DPP6: variants seen among roughly 807,000 people sequenced by gnomAD.
DPP6 encodes the protein A-type potassium channel modulatory protein DPP6.
Under a neutral mutation model 122.6 loss-of-function variants are expected in DPP6, and 69 were observed. That is an observed-to-expected ratio of 0.56 (90% confidence interval 0.46 to 0.69). DPP6 has a LOEUF of 0.69. Ranked by LOEUF, DPP6 falls within the 30% of genes least tolerant of loss-of-function variation. The pLI is 0.00. For missense variants in DPP6, 928 were observed against 1,116.9 expected (o/e 0.83, Z 2.41); for synonymous variants, 418 against 433.1 (o/e 0.97, Z 0.43).
intron 1 of DPP6, among the ~76,000 whole-genome samples, chr7:154,107,136 C>T (rs1806222304): frequency 6.6e-6 from 1 of 152,154 alleles, no homozygotes. Context: ...TCTGCACTCC[C>T]ATGCTCACTG....
rs542902253 is a variant in DPP6 at position 154,675,506 on chromosome 7, T to C, written c.762+6065T>C. The stretch of plus-strand genomic sequence containing the variant: ...TGGCACATGTGGCCAGCGATTGCCA[T>C]GGTCACAAGCTAGCTTAGTGCACGG... On this transcript the variant is annotated intron_variant, in intron 7 of 25. Transcript: ENST00000377770. Among the ~76,000 whole-genome samples the C allele has an allele frequency of 2.6e-5, 4 of 152,306 alleles. No homozygotes were observed. In the South Asian group the frequency reaches 8.3e-4, roughly 32 times the overall value.
chr7:154,201,379 T>G (rs1266203036), intron 1 of DPP6, among the ~76,000 whole-genome samples: 1 of 152,212 alleles, frequency 6.6e-6, no homozygotes, highest in Non-Finnish European at 1.5e-5. Context: ...TCCACCCACC[T>G]TGGCCTCCCA....
intron 18 of DPP6, among the ~76,000 whole-genome samples, chr7:154,868,313 C>G (rs1172946251): frequency 2.0e-5 from 3 of 152,168 alleles, no homozygotes; most frequent in South Asian, 2.1e-4. Flanking sequence ...GGATCTCTCT[C>G]CCTGAGAGGC....
chr7:154,050,328 A>G (rs1029223892), upstream of DPP6, among the ~76,000 whole-genome samples: 2 of 152,194 alleles, frequency 1.3e-5, no homozygotes, highest in African/African-American at 4.8e-5. Context: ...CTTTATCCCA[A>G]TAGTATTCTA....
chr7:153,834,274 C>CTA, the DPP6 span, among the ~76,000 whole-genome samples: 1 of 122,946 alleles, frequency 8.1e-6, no homozygotes, highest in Non-Finnish European at 1.8e-5. Context: ...GTGACTCCAT[C>CTA]TAAAAAAAAA....
chr7:153,875,095 CAA>C, the DPP6 span, among the ~76,000 whole-genome samples: 5 of 152,162 alleles, frequency 3.3e-5, no homozygotes, highest in East Asian at 9.7e-4. Flanking sequence ...AAACTGAAGA[CAA>C]GAGGAAGTCT....
chr7:154,125,366 A>ACATGTATAT (rs749314902), intron 1 of DPP6, among the ~76,000 whole-genome samples: 2 of 152,204 alleles, frequency 1.3e-5, no homozygotes, highest in Non-Finnish European at 2.9e-5. Flanking sequence ...TGTAAAACAA[A>ACATGTATAT]CATGTATATA....
chr7:154,686,142 G>C (rs1839586547), intron 7 of DPP6, among the ~76,000 whole-genome samples: 1 of 152,074 alleles, frequency 6.6e-6, no homozygotes, highest in African/African-American at 2.4e-5. Flanking sequence ...TCTCTATTCA[G>C]CAGTGAGAAA....
chr7:154,322,166 G>A (rs2151020146), intron 1 of DPP6, among the ~76,000 whole-genome samples: 1 of 150,720 alleles, frequency 6.6e-6, no homozygotes, highest in East Asian at 2.0e-4. Context: ...CTAAAGTTAT[G>A]TGTCCACCTC....
At chr7:153,859,174 G>A in the DPP6 span, among the ~76,000 whole-genome samples, 1 of 152,146 alleles carries the variant, frequency 6.6e-6, no homozygotes, top group Non-Finnish European at 1.5e-5. Flanking sequence ...AAAAGGCCTG[G>A]GGCCCGTCTG....
chr7:153,802,069 C>T, the DPP6 span, among the ~76,000 whole-genome samples: 1 of 152,118 alleles, frequency 6.6e-6, no homozygotes, highest in Non-Finnish European at 1.5e-5. Flanking sequence ...GTGGCAATGC[C>T]GAGATGTTGA....
At chr7:153,906,750 C>T (rs1799870058) in intron 1 of DPP6, among the ~76,000 whole-genome samples, 1 of 152,216 alleles carries the variant, frequency 6.6e-6, no homozygotes, top group African/African-American at 2.4e-5. Flanking sequence ...TTGCTCCCAA[C>T]CCCAGTTTTT....
chr7:154,460,340 C>T (rs777050904), intron 2 of DPP6, among the ~76,000 whole-genome samples: 3 of 152,140 alleles, frequency 2.0e-5, no homozygotes, highest in Non-Finnish European at 4.4e-5. Flanking sequence ...CTACCGACTA[C>T]GAAGGTCAAA....
At chr7:154,121,018 A>G (rs1244562913) in intron 1 of DPP6, among the ~76,000 whole-genome samples, 1 of 152,124 alleles carries the variant, frequency 6.6e-6, no homozygotes, top group African/African-American at 2.4e-5. Context: ...ATGAGTTCTC[A>G]GGAGATCTGA....
intron 1 of DPP6, among the ~76,000 whole-genome samples, chr7:154,017,172 T>C (rs2129050677): frequency 6.6e-6 from 1 of 152,264 alleles, no homozygotes; most frequent in Non-Finnish European, 1.5e-5. Flanking sequence ...AACACAAGTG[T>C]TCCTCTTGCC....
intron 7 of DPP6, among the ~76,000 whole-genome samples, chr7:154,710,251 A>T (rs1841098120): frequency 6.6e-6 from 1 of 152,198 alleles, no homozygotes; most frequent in Non-Finnish European, 1.5e-5. Context: ...GGGTCACCAG[A>T]CTGGGAGAAG....
chr7:154,035,222 A>G (rs1361084536), intron 1 of DPP6, among the ~76,000 whole-genome samples: 1 of 152,242 alleles, frequency 6.6e-6, no homozygotes, highest in Admixed American at 6.5e-5. Flanking sequence ...CTTACATGCC[A>G]TCTCTTCATG....
chr7:153,974,357 G>A lies in DPP6; in HGVS notation c.51+86623G>A, dbSNP rs547529629. Reference sequence around the variant, plus strand: ...TGTGGAATTGTGACCATGGAGCTTCGTATTTTCAGAGATTTAGTTCCTAAT... The same window carrying A: ...TGTGGAATTGTGACCATGGAGCTTCATATTTTCAGAGATTTAGTTCCTAAT... On this transcript the variant is annotated intron_variant, in intron 1 of 25. Transcript: ENST00000404039. Among the ~76,000 whole-genome samples, 481 of 152,204 alleles carry A rather than the reference G, an allele frequency of 3.2e-3. 1 individual carries two copies. Among genetic ancestry groups the A allele is most frequent in the African/African-American group, 0.011 (465 of 41,494 alleles).
chr7:154,468,979 CA>C (rs1429858374), intron 2 of DPP6, among the ~76,000 whole-genome samples: 2 of 152,068 alleles, frequency 1.3e-5, no homozygotes, highest in African/African-American at 4.8e-5. Flanking sequence ...AAAATACAAG[CA>C]AAGGCACAGA....
Sources: gnomAD v4.1 joint callset for allele counts (sites outside exome capture counted in the v4.1 genomes callset) on GRCh38, gnomAD v4.1.1 for gene constraint, MANE v1.5 for transcripts, NCBI Gene and HGNC (gene_info 2026-07-23, HGNC 2026-07-21) for gene names.